Variants in ANXA10 observed in about 807,000 individuals in gnomAD.
The protein encoded by ANXA10 is annexin A10.
A neutral mutation model predicts 53.5 loss-of-function variants in ANXA10; 49 were observed. The ratio of observed to expected loss-of-function variants is 0.92; its 90% CI spans 0.73 to 1.16. The LOEUF (loss-of-function observed/expected upper bound fraction) is 1.16. ANXA10 is among the 50% of genes most tolerant of loss of function. The pLI is 0.00. For synonymous variants in ANXA10, 131 were observed against 128.9 expected (o/e 1.02, Z -0.11); for missense variants, 393 against 394.4 (o/e 1.00, Z 0.03).
intron 3 of ANXA10, among the ~76,000 whole-genome samples, chr4:168,156,264 A>T (rs1350995371): frequency 3.0e-5 from 1 of 33,368 alleles, no homozygotes. Flanking sequence ...TATATAATGT[A>T]TATATTATAT....
At chr4:168,127,955 T>A in intron 1 of ANXA10, 129 bp from the exon 2 acceptor site, 2 of 750,720 alleles carry the variant, frequency 2.7e-6, no homozygotes, top group Non-Finnish European at 4.5e-6. Flanking sequence ...AACTCCTGAC[T>A]TCAGGTGATC....
chr4:168,164,649 T>C (rs974653814), intron 5 of ANXA10, among the ~76,000 whole-genome samples: 13 of 152,186 alleles, frequency 8.5e-5, no homozygotes, highest in African/African-American at 2.7e-4. Context: ...GCTCAGTGAA[T>C]TCTACAAATA....
intron 5 of ANXA10, 61 bp from the exon 6 acceptor site, chr4:168,165,186 C>T (rs780919837): frequency 1.8e-6 from 2 of 1,142,400 alleles, no homozygotes; most frequent in Admixed American, 2.1e-5. Context: ...TTAACTTACT[C>T]AAAACACACT....
chr4:168,177,530 G>C (rs758618385), intron 6 of ANXA10, among the ~76,000 whole-genome samples: 4 of 151,932 alleles, frequency 2.6e-5, no homozygotes, highest in Non-Finnish European at 4.4e-5. Flanking sequence ...GCAAAGAAAA[G>C]GTAAAATAAA....
At chr4:168,159,793 A>C (rs1173890888) in intron 3 of ANXA10, among the ~76,000 whole-genome samples, 1 of 152,166 alleles carries the variant, frequency 6.6e-6, no homozygotes, top group Non-Finnish European at 1.5e-5. Context: ...TTATCTACTA[A>C]AAAAGAAAAT....
rs557895712 is a variant in ANXA10 at position 168,172,424 on chromosome 4, C to T, written c.481-5316C>T. ...TTTGCAAAGGCAGGAGCTTACTTAG[C>T]TATAGAAGCTGAAGATCACTAAGAA... On this transcript the variant is annotated intron_variant, in intron 6 of 11. Transcript: ENST00000359299. 5.9e-5 allele frequency among the ~76,000 whole-genome samples: 9 copies of T among 152,316 alleles called. No individual in the cohort carries two copies. In the South Asian group the frequency reaches 1.7e-3, roughly 28 times the overall value.
At chr4:168,113,966 A>C (rs1730850354) in intron 1 of ANXA10, among the ~76,000 whole-genome samples, 1 of 152,174 alleles carries the variant, frequency 6.6e-6, no homozygotes, top group South Asian at 2.1e-4. Context: ...CTGGTTTTAA[A>C]GCTTTTCAGT....
intron 3 of ANXA10, among the ~76,000 whole-genome samples, chr4:168,156,448 T>A (rs1303328785): frequency 1.9e-5 from 1 of 51,500 alleles, no homozygotes; most frequent in East Asian, 7.8e-4. Context: ...TAATTTTATA[T>A]ATATAGTAGG....
intron 6 of ANXA10, among the ~76,000 whole-genome samples, chr4:168,167,135 T>C (rs1560788540): frequency 1.3e-5 from 2 of 152,228 alleles, no homozygotes; most frequent in Non-Finnish European, 2.9e-5. Flanking sequence ...CTGTGGCTAC[T>C]GTGGATAAAC....
chr4:168,150,890 G>T (rs1731485806), intron 3 of ANXA10, among the ~76,000 whole-genome samples: 1 of 152,160 alleles, frequency 6.6e-6, no homozygotes, highest in African/African-American at 2.4e-5. Context: ...AGTGTAAGAG[G>T]GTTGGTTGAT....
rs551911075 is a variant in ANXA10 at position 168,154,149 on chromosome 4, G to A, written c.196-8379G>A. On this transcript the variant is annotated intron_variant, in intron 3 of 11. Transcript: ENST00000359299. ...GAAATATGTTGTGATACATGTGTAG[G>A]GTGGGAGTAGTGATCAAATAAATGT... Among the ~76,000 whole-genome samples, 21 of 152,124 alleles carry A rather than the reference G, an allele frequency of 1.4e-4. No homozygotes were observed. In the South Asian group the frequency reaches 1.5e-3, roughly 11 times the overall value.
intron 1 of ANXA10, among the ~76,000 whole-genome samples, chr4:168,122,026 A>T (rs1054603043): frequency 6.6e-6 from 1 of 151,690 alleles, no homozygotes; most frequent in Non-Finnish European, 1.5e-5. Context: ...TATTTTTCGT[A>T]CAGATGGCGT....
At chr4:168,116,996 G>GACACACACACACACAC (rs9312272) in intron 1 of ANXA10, among the ~76,000 whole-genome samples, 69,565 of 150,896 alleles carry the variant, frequency 0.46, 16,826 homozygotes, top group Non-Finnish European at 0.55. Flanking sequence ...TTTTCACACA[G>GACACACACACACACAC]ACACACACAC....
chr4:168,094,704 A>T (rs1040724156), intron 1 of ANXA10, among the ~76,000 whole-genome samples: 9 of 152,104 alleles, frequency 5.9e-5, no homozygotes, highest in Admixed American at 1.3e-4. Flanking sequence ...AACCACAGAG[A>T]TAGGTAGTTC....
chr4:168,178,102 A>C, intron 8 of ANXA10, 119 bp downstream of exon 8: 8 of 863,792 alleles, frequency 9.3e-6, no homozygotes, highest in East Asian at 2.6e-5. Context: ...AGTTATCTCA[A>C]AGGTACTTAT....
At chr4:168,118,095 T>TG (rs1219065365) in intron 1 of ANXA10, among the ~76,000 whole-genome samples, 2 of 151,986 alleles carry the variant, frequency 1.3e-5, no homozygotes, top group Admixed American at 6.6e-5. Flanking sequence ...AGATTCTTTT[T>TG]TTTTTTTTTC....
At chr4:168,124,135 C>T (rs72691168) in intron 1 of ANXA10, among the ~76,000 whole-genome samples, 2,482 of 152,222 alleles carry the variant, frequency 0.016, 77 homozygotes, top group Admixed American at 0.087. Flanking sequence ...GCTACAGTTC[C>T]GTGCCCAGGA....
intron 1 of ANXA10, among the ~76,000 whole-genome samples, chr4:168,118,929 G>C (rs948083970): frequency 6.6e-6 from 1 of 151,968 alleles, no homozygotes; most frequent in Non-Finnish European, 1.5e-5. Flanking sequence ...GGCTAACAGA[G>C]AACAATATTT....
At chr4:168,096,671 C>T (rs985144085) in intron 1 of ANXA10, among the ~76,000 whole-genome samples, 5 of 151,548 alleles carry the variant, frequency 3.3e-5, no homozygotes, top group African/African-American at 1.2e-4. Context: ...TTTTTTTTAA[C>T]CTGTTAAGTG....
Sources: allele counts gnomAD v4.1 joint callset (sites outside exome capture counted in the v4.1 genomes callset), GRCh38; gene constraint gnomAD v4.1.1; transcripts MANE v1.5; gene names NCBI Gene and HGNC (gene_info 2026-07-23, HGNC 2026-07-21).